The following RABGAP1L variants were observed in gnomAD, a reference collection of about 807,000 sequenced individuals.
The protein encoded by RABGAP1L is rab GTPase-activating protein 1-like.
Under a neutral mutation model 137.7 loss-of-function variants are expected in RABGAP1L, and 63 were observed. The ratio of observed to expected loss-of-function variants is 0.46; its 90% CI spans 0.37 to 0.56. The LOEUF is 0.56. Among genes scored for constraint, RABGAP1L ranks in the 20% least tolerant of loss-of-function variants. The pLI is 0.00. For missense variants in RABGAP1L, 1,095 were observed against 1,244.0 expected (o/e 0.88, Z 1.80); for synonymous variants, 431 against 433.7 (o/e 0.99, Z 0.08).
chr1:174,297,991 G>A (rs1320306485), intron 10 of RABGAP1L, among the ~76,000 whole-genome samples: 1 of 152,148 alleles, frequency 6.6e-6, no homozygotes, highest in African/African-American at 2.4e-5. Flanking sequence ...TCCGAGGGAC[G>A]TGTCCCATAG....
chr1:174,171,784 C>T (rs939948980), intron 1 of RABGAP1L, among the ~76,000 whole-genome samples: 12 of 151,530 alleles, frequency 7.9e-5, no homozygotes, highest in East Asian at 1.9e-4. Flanking sequence ...AGGCAGATCA[C>T]GAGGTCAGGA....
intron 13 of RABGAP1L, among the ~76,000 whole-genome samples, chr1:174,431,431 G>C (rs1398915325): frequency 6.6e-6 from 1 of 152,102 alleles, no homozygotes; most frequent in Non-Finnish European, 1.5e-5. Context: ...TTTCTCCTGT[G>C]TTATTTTTAA....
chr1:174,449,077 C>A, intron 13 of RABGAP1L: 3 of 1,614,018 alleles, frequency 1.9e-6, no homozygotes, highest in Non-Finnish European at 2.5e-6. Context: ...TCTCCAACAG[C>A]GTTTTCCGGC....
At chr1:174,750,055 G>C (rs1162637209) in intron 17 of RABGAP1L, among the ~76,000 whole-genome samples, 1 of 152,002 alleles carries the variant, frequency 6.6e-6, no homozygotes, top group Non-Finnish European at 1.5e-5. Context: ...ATTTTTAGTA[G>C]AGACTGGGTT....
chr1:174,492,344 CTAAT>C (rs1316841479), intron 13 of RABGAP1L, among the ~76,000 whole-genome samples: 2 of 130,120 alleles, frequency 1.5e-5, no homozygotes, highest in East Asian at 2.0e-4. Flanking sequence ...CCACGCCTGA[CTAAT>C]TTTTTTTTTT....
intron 19 of RABGAP1L, among the ~76,000 whole-genome samples, chr1:174,852,083 C>A (rs1384696005): frequency 1.3e-5 from 2 of 152,106 alleles, no homozygotes; most frequent in Non-Finnish European, 2.9e-5. Context: ...TCAATTAATT[C>A]TTTTAATTTA....
At chr1:174,671,265 T>C (rs573069088) in intron 14 of RABGAP1L, among the ~76,000 whole-genome samples, 3 of 152,228 alleles carry the variant, frequency 2.0e-5, no homozygotes, top group Non-Finnish European at 4.4e-5. Context: ...TAAAATGATG[T>C]CAACTGCAGA....
chr1:174,459,584 A>G lies in RABGAP1L; in HGVS notation c.1710+65439A>G, dbSNP rs192617329. ...ATATCTAATACAATGTAAATGCAAT[A>G]TAATTAGTTGTATTGTTTAGGGAAT... is the stretch of plus-strand genomic sequence containing the variant. On this transcript the variant is annotated intron_variant, in intron 13 of 25. Coordinates refer to ENST00000681986, the MANE Select transcript of RABGAP1L (RefSeq NM_001366446.1). Among the ~76,000 whole-genome samples, 466 of 152,250 alleles carry G rather than the reference A, an allele frequency of 3.1e-3. 2 individuals carry two copies. The highest frequency in any genetic ancestry group is 5.2e-3 in the Non-Finnish European group (353 of 67,966).
chr1:174,709,104 T>C (rs1398399484), intron 17 of RABGAP1L, among the ~76,000 whole-genome samples: 2 of 152,226 alleles, frequency 1.3e-5, no homozygotes, highest in Non-Finnish European at 2.9e-5. Flanking sequence ...AAAGCTGCTG[T>C]AGCCATAGCA....
intron 19 of RABGAP1L, among the ~76,000 whole-genome samples, chr1:174,855,418 TAAA>T (rs1558153683): frequency 6.6e-6 from 1 of 152,192 alleles, no homozygotes; most frequent in East Asian, 1.9e-4. Flanking sequence ...ATCCTAGACA[TAAA>T]CCAAGGGCAA....
chr1:174,418,651 C>G (rs561127564), intron 13 of RABGAP1L, among the ~76,000 whole-genome samples: 1 of 152,258 alleles, frequency 6.6e-6, no homozygotes, highest in East Asian at 1.9e-4. Context: ...AGGGGCACTC[C>G]AAGCAATTTT....
At chr1:174,444,389 C>T (rs1048695036) in intron 13 of RABGAP1L, among the ~76,000 whole-genome samples, 1 of 151,690 alleles carries the variant, frequency 6.6e-6, no homozygotes, top group African/African-American at 2.4e-5. Flanking sequence ...GGATATTGGC[C>T]TCCTATAATT....
Position 174,261,800 on chromosome 1 carries a change from C to G in RABGAP1L, c.986+9210C>G, listed in dbSNP as rs185941630. 2.9e-3 allele frequency among the ~76,000 whole-genome samples: 437 copies of G among 152,246 alleles called. 1 individual carries two copies. The highest frequency in any genetic ancestry group is 9.7e-3 in the African/African-American group (403 of 41,550). ...ACTCAAGTTACTATCTTGAAGTTGC[C>G]TAGATGTCAGTCTGATTTGGATGTT... is the stretch of plus-strand genomic sequence containing the variant. On this transcript the variant is annotated intron_variant, in intron 7 of 25. Transcript: ENST00000681986.
At chr1:174,596,339 G>C (rs918839119) in intron 13 of RABGAP1L, among the ~76,000 whole-genome samples, 1 of 151,992 alleles carries the variant, frequency 6.6e-6, no homozygotes, top group African/African-American at 2.4e-5. Flanking sequence ...GGGAGCTGTA[G>C]ACCGGAGCTG....
intron 5 of RABGAP1L, 122 bp downstream of exon 5, chr1:174,241,779 T>G: frequency 1.1e-6 from 1 of 880,728 alleles, no homozygotes; most frequent in Non-Finnish European, 1.7e-6. Flanking sequence ...AAAGACAAAA[T>G]TAATATTTGT....
rs1683339538 is a variant in RABGAP1L, at chr1:174,353,155, C to CT, written c.1466-17820dup. On this transcript the variant is annotated intron_variant, in intron 11 of 25. Transcript: ENST00000681986. ...ATGAATCCTACCAAGAGTGGATTCC[C>CT]TTTTCCCTTTTGACCTAGAGTGTGT... is the stretch of plus-strand genomic sequence containing the variant. Among the ~76,000 whole-genome samples, 7 of 152,260 alleles carry CT rather than the reference C, an allele frequency of 4.6e-5. No individual in the cohort carries two copies. In the South Asian group the frequency reaches 1.5e-3, roughly 32 times the overall value.
intron 15 of RABGAP1L, among the ~76,000 whole-genome samples, chr1:174,690,829 C>CTTTT (rs572724291): frequency 3.6e-4 from 42 of 116,912 alleles, no homozygotes; most frequent in Middle Eastern, 4.5e-3. Flanking sequence ...CAGCATTCAT[C>CTTTT]TTTTTTTTTT....
intron 18 of RABGAP1L, among the ~76,000 whole-genome samples, chr1:174,802,182 C>G (rs1688818713): frequency 6.6e-6 from 1 of 152,118 alleles, no homozygotes; most frequent in Admixed American, 6.5e-5. Context: ...CTGTGTATTG[C>G]AATTGTACCA....
At chr1:174,209,136 C>T (rs1206237242) in intron 1 of RABGAP1L, among the ~76,000 whole-genome samples, 1 of 152,130 alleles carries the variant, frequency 6.6e-6, no homozygotes, top group African/African-American at 2.4e-5. Flanking sequence ...AATCTAATGC[C>T]ACTGCTGATT....
Sources: gnomAD v4.1 joint callset for allele counts (sites outside exome capture counted in the v4.1 genomes callset) on GRCh38, gnomAD v4.1.1 for gene constraint, MANE v1.5 for transcripts, NCBI Gene and HGNC (gene_info 2026-07-23, HGNC 2026-07-21) for gene names.